Variants in CELF4 observed in about 807,000 individuals in gnomAD.
CELF4 encodes the protein CUGBP Elav-like family member 4, also known as CUG-BP- and ETR-3-like factor 4.
In CELF4, 18 loss-of-function variants were observed where a neutral mutation model predicts 59.9. That is an observed-to-expected ratio of 0.30 (90% CI 0.21 to 0.45). The LOEUF (loss-of-function observed/expected upper bound fraction) is 0.45, where lower values mean the gene tolerates loss of function less well. Ranked by LOEUF, CELF4 falls within the 20% of genes least tolerant of loss-of-function variation. The pLI is 1.00. For missense variants in CELF4, 456 were observed against 689.0 expected (o/e 0.66, Z 3.79); for synonymous variants, 261 against 267.1 (o/e 0.98, Z 0.22).
intron 2 of CELF4, among the ~76,000 whole-genome samples, chr18:37,403,726 G>A (rs990538463): frequency 2.0e-5 from 3 of 152,344 alleles, no homozygotes; most frequent in South Asian, 4.1e-4. Context: ...AGGCAGAAGC[G>A]TGAGTGATAC....
intron 3 of CELF4, among the ~76,000 whole-genome samples, chr18:37,291,841 T>C (rs2095353426): frequency 6.6e-6 from 1 of 152,072 alleles, no homozygotes; most frequent in Non-Finnish European, 1.5e-5. Context: ...TTTCTAACCC[T>C]CGTGGAACTG....
intron 2 of CELF4, among the ~76,000 whole-genome samples, chr18:37,338,453 T>C (rs532558): frequency 0.87 from 129,991 of 150,034 alleles, 56,502 homozygotes; most frequent in East Asian, 0.96. Context: ...CCACTGTCAC[T>C]ACCACCATCA....
At chr18:37,512,629 T>TGTCCTCTTC (rs1428309443) in intron 1 of CELF4, among the ~76,000 whole-genome samples, 1 of 151,510 alleles carries the variant, frequency 6.6e-6, no homozygotes, top group Non-Finnish European at 1.5e-5. Flanking sequence ...TCCTCCTCTT[T>TGTCCTCTTC]GTCCTCTTCT....
chr18:37,361,620 C>CT (rs1421634621), intron 2 of CELF4, among the ~76,000 whole-genome samples: 4 of 152,210 alleles, frequency 2.6e-5, no homozygotes, highest in African/African-American at 7.2e-5. Flanking sequence ...GGAGCAGTGC[C>CT]TGGGCCCCAC....
intron 2 of CELF4, among the ~76,000 whole-genome samples, chr18:37,394,263 A>G (rs959174720): frequency 6.6e-6 from 1 of 152,190 alleles, no homozygotes; most frequent in Non-Finnish European, 1.5e-5. Context: ...CGGGCAGCGC[A>G]GAGCAGGGAG....
In CELF4 at chr18:37,523,725, T is replaced by G. The variant is rs1375466398; in HGVS notation, c.287-38118A>C. ...GGAGATTTCTAGGCTTCCCAGCCCTTTATCTCACAAATTCTCATGCCACCA... is the reference window on the plus strand; with the variant it reads ...GGAGATTTCTAGGCTTCCCAGCCCTGTATCTCACAAATTCTCATGCCACCA... On this transcript the variant is annotated intron_variant, in intron 1 of 12. Coordinates refer to ENST00000420428, the MANE Select transcript of CELF4 (RefSeq NM_020180.4). 5.9e-5 allele frequency among the ~76,000 whole-genome samples: 9 copies of G among 152,200 alleles called. 1 individual carries two copies. The highest frequency in any genetic ancestry group is 5.9e-4 in the Admixed American group (9 of 15,286).
At chr18:37,397,372 C>A (rs2099258016) in intron 2 of CELF4, among the ~76,000 whole-genome samples, 1 of 152,200 alleles carries the variant, frequency 6.6e-6, no homozygotes, top group Non-Finnish European at 1.5e-5. Context: ...AAGCCATGAT[C>A]CCTGCCCCCC....
chr18:37,334,142 G>A (rs893205496), intron 2 of CELF4, among the ~76,000 whole-genome samples: 4 of 152,164 alleles, frequency 2.6e-5, no homozygotes, highest in African/African-American at 7.2e-5. Flanking sequence ...ATGGGGCGTC[G>A]TAATCCAGGA....
At chr18:37,454,015 A>G (rs987901162) in intron 2 of CELF4, among the ~76,000 whole-genome samples, 2 of 152,064 alleles carry the variant, frequency 1.3e-5, no homozygotes, top group Non-Finnish European at 2.9e-5. Context: ...ATTTGGACTG[A>G]GCTGCCTTCT....
At chr18:37,374,196 C>A (rs893758193) in intron 2 of CELF4, among the ~76,000 whole-genome samples, 7 of 152,214 alleles carry the variant, frequency 4.6e-5, no homozygotes, top group Non-Finnish European at 1.0e-4. Context: ...CTCTCCACCT[C>A]ACCATGCACC....
intron 2 of CELF4, among the ~76,000 whole-genome samples, chr18:37,460,633 G>A (rs1019345244): frequency 1.3e-5 from 2 of 152,220 alleles, no homozygotes; most frequent in Admixed American, 6.5e-5. Context: ...AAGCACTGCT[G>A]CTCAGGAGAT....
chr18:37,403,608 G>T (rs897473281), intron 2 of CELF4, among the ~76,000 whole-genome samples: 2 of 152,190 alleles, frequency 1.3e-5, no homozygotes, highest in African/African-American at 4.8e-5. Flanking sequence ...TGTGCGGCCT[G>T]GCCCAGCTGT....
At chr18:37,503,726 T>C (rs2099934377) in intron 1 of CELF4, among the ~76,000 whole-genome samples, 1 of 152,348 alleles carries the variant, frequency 6.6e-6, no homozygotes, top group East Asian at 1.9e-4. Context: ...CAAATGGGCA[T>C]GCTGAGTCCT....
intron 2 of CELF4, among the ~76,000 whole-genome samples, chr18:37,386,858 G>A (rs2099104699): frequency 6.6e-6 from 1 of 152,116 alleles, no homozygotes; most frequent in Non-Finnish European, 1.5e-5. Flanking sequence ...GTACAGAGTG[G>A]GGCTCTGTGA....
intron 2 of CELF4, among the ~76,000 whole-genome samples, chr18:37,422,290 G>A (rs1320911928): frequency 6.6e-6 from 1 of 152,216 alleles, no homozygotes; most frequent in Non-Finnish European, 1.5e-5. Context: ...TGGCCAGTCA[G>A]GGGCCACCCT....
chr18:37,274,248 C>T lies in CELF4; in HGVS notation c.801+63G>A, dbSNP rs143284008. 668 of 1,591,304 alleles carry T rather than the reference C, an allele frequency of 4.2e-4. 6 individuals carry two copies. The East Asian group carries it at 0.013, about 31-fold the overall frequency. The stretch of plus-strand genomic sequence containing the variant: ...GAGTAGTATTTTCGGTTTCATGTCC[C>T]GCTCTCTGAGGCTCCCAGGGGAGTG... On this transcript the variant is annotated intron_variant, in intron 6 of 12. Transcript: ENST00000420428.
intron 2 of CELF4, among the ~76,000 whole-genome samples, chr18:37,395,733 G>A (rs2099236583): frequency 6.6e-6 from 1 of 152,174 alleles, no homozygotes; most frequent in African/African-American, 2.4e-5. Context: ...GGCCAGCCTG[G>A]CTTGCCAGGT....
chr18:37,526,603 T>A (rs2099964068), intron 1 of CELF4, among the ~76,000 whole-genome samples: 1 of 152,226 alleles, frequency 6.6e-6, no homozygotes, highest in Non-Finnish European at 1.5e-5. Flanking sequence ...AGAATGATGT[T>A]TTAATGGAAC....
intron 2 of CELF4, among the ~76,000 whole-genome samples, chr18:37,443,832 A>G (rs945678309): frequency 1.3e-5 from 2 of 152,174 alleles, no homozygotes; most frequent in African/African-American, 4.8e-5. Flanking sequence ...CATTCGCCAG[A>G]TATTTACTGC....
Sources: allele counts gnomAD v4.1 joint callset (sites outside exome capture counted in the v4.1 genomes callset), GRCh38; gene constraint gnomAD v4.1.1; transcripts MANE v1.5; gene names NCBI Gene and HGNC (gene_info 2026-07-23, HGNC 2026-07-21).